The following RPS6KC1 variants were observed in gnomAD, a reference collection of about 807,000 sequenced individuals.
The protein encoded by RPS6KC1 is ribosomal protein S6 kinase C1, also known as inactive ribosomal protein S6 kinase delta-1.
A neutral mutation model predicts 103.8 loss-of-function variants in RPS6KC1; 54 were observed. That is an observed-to-expected ratio of 0.52 (90% CI 0.42 to 0.65). RPS6KC1 has a LOEUF of 0.65. Ranked by LOEUF, RPS6KC1 falls within the 30% of genes least tolerant of loss-of-function variation. The pLI, the probability that RPS6KC1 is intolerant of heterozygous loss-of-function variation, is 0.00. For missense variants in RPS6KC1, 1,151 were observed against 1,253.8 expected (o/e 0.92, Z 1.24); for synonymous variants, 439 against 438.7 (o/e 1.00, Z -0.01).
chr1:213,773,679 A>T, the RPS6KC1 span, among the ~76,000 whole-genome samples: 1 of 152,076 alleles, frequency 6.6e-6, no homozygotes, highest in Admixed American at 6.6e-5. Context: ...TGGGCAGTGC[A>T]GTCAGGAGTT....
the RPS6KC1 span, among the ~76,000 whole-genome samples, chr1:213,450,297 G>T: frequency 6.6e-6 from 1 of 150,862 alleles, no homozygotes; most frequent in African/African-American, 2.4e-5. Context: ...AAGCCAGCAG[G>T]TTTCATCAAA....
At chr1:213,745,766 T>G in the RPS6KC1 span, among the ~76,000 whole-genome samples, 1 of 152,138 alleles carries the variant, frequency 6.6e-6, no homozygotes, top group African/African-American at 2.4e-5. Context: ...CCTTAGTGAC[T>G]CCCGTCCTCC....
the RPS6KC1 span, among the ~76,000 whole-genome samples, chr1:213,330,993 T>C: frequency 6.6e-6 from 1 of 152,160 alleles, no homozygotes. Flanking sequence ...TTTATCCTGG[T>C]GCATGGAAGA....
the RPS6KC1 span, among the ~76,000 whole-genome samples, chr1:213,348,097 G>A: frequency 6.6e-6 from 1 of 152,140 alleles, no homozygotes; most frequent in African/African-American, 2.4e-5. Context: ...TCTAAGGGTG[G>A]ATTTTAATAT....
the RPS6KC1 span, among the ~76,000 whole-genome samples, chr1:213,772,676 C>T: frequency 6.7e-6 from 1 of 150,142 alleles, no homozygotes; most frequent in Non-Finnish European, 1.5e-5. Flanking sequence ...GGTTGGGCAC[C>T]AGCTCCTGAA....
intron 6 of RPS6KC1, among the ~76,000 whole-genome samples, chr1:213,155,153 C>T (rs2089724352): frequency 6.6e-6 from 1 of 152,110 alleles, no homozygotes. Flanking sequence ...CCCCACTTTC[C>T]TCTCCTTTCC....
intron 1 of RPS6KC1, among the ~76,000 whole-genome samples, chr1:213,054,747 A>G (rs915781492): frequency 2.0e-5 from 3 of 152,186 alleles, no homozygotes; most frequent in African/African-American, 7.2e-5. Context: ...GATGATTTTG[A>G]GGCCAGTTGC....
chr1:213,304,205 C>CAAA, the RPS6KC1 span, among the ~76,000 whole-genome samples: 25 of 70,502 alleles, frequency 3.5e-4, no homozygotes, highest in African/African-American at 7.8e-4. Context: ...GACTCCATCT[C>CAAA]AAAAAAAAAA....
the RPS6KC1 span, among the ~76,000 whole-genome samples, chr1:213,533,380 G>C: frequency 6.6e-6 from 1 of 152,206 alleles, no homozygotes; most frequent in Non-Finnish European, 1.5e-5. Flanking sequence ...TGGCTTGATG[G>C]AAGGTCTTTC....
At chr1:213,105,139 C>A (rs925778129) in intron 4 of RPS6KC1, among the ~76,000 whole-genome samples, 7 of 151,028 alleles carry the variant, frequency 4.6e-5, no homozygotes, top group Non-Finnish European at 1.0e-4. Flanking sequence ...AGAGAGCAGG[C>A]CAGTGCAAAT....
intron 8 of RPS6KC1, among the ~76,000 whole-genome samples, chr1:213,187,537 T>C (rs1369654049): frequency 6.6e-6 from 1 of 152,090 alleles, no homozygotes; most frequent in Non-Finnish European, 1.5e-5. Context: ...TGAGCCACTG[T>C]GCCTGGCCTA....
At chr1:213,666,150 G>T in the RPS6KC1 span, among the ~76,000 whole-genome samples, 1 of 152,232 alleles carries the variant, frequency 6.6e-6, no homozygotes, top group African/African-American at 2.4e-5. Context: ...AAGCTGGCTG[G>T]GACCTCAAAG....
intron 14 of RPS6KC1, among the ~76,000 whole-genome samples, chr1:213,270,149 C>T (rs1438101237): frequency 6.6e-6 from 1 of 152,144 alleles, no homozygotes; most frequent in Non-Finnish European, 1.5e-5. Context: ...TATCTGATTT[C>T]CACACCAACT....
chr1:213,254,914 T>C (rs976773140), intron 12 of RPS6KC1, among the ~76,000 whole-genome samples: 2 of 152,044 alleles, frequency 1.3e-5, no homozygotes, highest in African/African-American at 4.8e-5. Context: ...CGGTAGGGAA[T>C]GGGGCATGCC....
chr1:213,178,587 G>C (rs1341399371), intron 8 of RPS6KC1, among the ~76,000 whole-genome samples: 1 of 151,820 alleles, frequency 6.6e-6, no homozygotes, highest in African/African-American at 2.4e-5. Flanking sequence ...AAACAGGAAA[G>C]AAAGAAAGAA....
chr1:213,784,014 A>G, the RPS6KC1 span, among the ~76,000 whole-genome samples: 1 of 152,108 alleles, frequency 6.6e-6, no homozygotes, highest in African/African-American at 2.4e-5. Flanking sequence ...AGCCACAACA[A>G]GGCTTTGCTA....
chr1:213,662,428 A>ATTTTTTTTT, the RPS6KC1 span, among the ~76,000 whole-genome samples: 5 of 120,958 alleles, frequency 4.1e-5, no homozygotes, highest in African/African-American at 6.4e-5. Context: ...CACCTGGCTA[A>ATTTTTTTTT]TTTTTTTTTT....
chr1:213,172,553 C>T (rs1393064254), intron 7 of RPS6KC1, among the ~76,000 whole-genome samples: 4 of 152,194 alleles, frequency 2.6e-5, no homozygotes, highest in Non-Finnish European at 5.9e-5. Context: ...ATCGAGCTTG[C>T]AGTGAGCCGA....
At chr1:213,690,970 C>CTA in the RPS6KC1 span, among the ~76,000 whole-genome samples, 1 of 152,148 alleles carries the variant, frequency 6.6e-6, no homozygotes, top group East Asian at 1.9e-4. Context: ...TTTTTCCCTC[C>CTA]ATCTCTTGGA....
Sources: allele counts gnomAD v4.1 joint callset (sites outside exome capture counted in the v4.1 genomes callset), GRCh38; gene constraint gnomAD v4.1.1; transcripts MANE v1.5; gene names NCBI Gene and HGNC (gene_info 2026-07-23, HGNC 2026-07-21).